FER1L6: variants seen among roughly 807,000 people sequenced by gnomAD.
FER1L6 encodes the protein fer-1 like family member 6, also known as fer-1-like protein 6.
In FER1L6, 177 loss-of-function variants were observed where a neutral mutation model predicts 219.2. The ratio of observed to expected loss-of-function variants is 0.81; its 90% CI spans 0.71 to 0.91. The LOEUF (loss-of-function observed/expected upper bound fraction) is 0.91, where lower values mean the gene tolerates loss of function less well. Among genes scored for constraint, FER1L6 ranks in the 40% least tolerant of loss-of-function variants. The probability of loss-of-function intolerance (pLI) is 0.00; values close to 1 mark genes in which losing one functional copy is unlikely to be tolerated. For synonymous variants in FER1L6, 768 were observed against 824.3 expected (o/e 0.93, Z 1.17); for missense variants, 2,153 against 2,259.9 (o/e 0.95, Z 0.96).
At position 124,103,171 on chromosome 8, in the gene FER1L6, T is replaced by A. The variant is rs369105982; in HGVS notation, c.5151T>A (p.Ser1717Arg). The part of the protein sequence containing the change: ...FLGTLEMNLN[S>R]FPRAAKSAKA... The stretch of plus-strand genomic sequence containing the variant: ...GCACCCTGGAAATGAACCTCAACAG[T>A]TTCCCTCGAGCAGCTAAGTCTGCCA... Residue 1717 changes from serine (S) to arginine (R), a missense_variant, in exon 39 of 41, where the codon AGT (serine) becomes AGA (arginine). Ser to Arg is a moderately radical substitution (Grantham distance 110). Coordinates refer to ENST00000522917, the MANE Select transcript of FER1L6 (RefSeq NM_001039112.2). 98 of 1,613,968 alleles carry A rather than the reference T, an allele frequency of 6.1e-5. No homozygotes were observed. The highest frequency in any genetic ancestry group is 8.3e-5 in the Non-Finnish European group (98 of 1,179,994).
At chr8:123,898,755 A>G (rs1484169573) in intron 1 of FER1L6, among the ~76,000 whole-genome samples, 4 of 137,032 alleles carry the variant, frequency 2.9e-5, no homozygotes, top group African/African-American at 7.9e-5. Flanking sequence ...TATACTATAT[A>G]TACACATATA....
chr8:124,055,042 T>G (rs1820219726), intron 22 of FER1L6, among the ~76,000 whole-genome samples: 1 of 152,182 alleles, frequency 6.6e-6, no homozygotes, highest in African/African-American at 2.4e-5. Flanking sequence ...GCATATATCT[T>G]AAAGGTAGAG....
At chr8:123,892,415 G>C (rs35367669) in intron 1 of FER1L6, among the ~76,000 whole-genome samples, 7 of 151,788 alleles carry the variant, frequency 4.6e-5, no homozygotes, top group African/African-American at 1.7e-4. Context: ...TCTCAGCCCC[G>C]CAAGTAGCTG....
intron 22 of FER1L6, among the ~76,000 whole-genome samples, chr8:124,051,015 A>G (rs1420667426): frequency 6.6e-6 from 1 of 152,220 alleles, no homozygotes; most frequent in African/African-American, 2.4e-5. Context: ...TAGTATAGAA[A>G]CCAGAAGGCA....
intron 31 of FER1L6, 101 bp from the exon 32 acceptor site, chr8:124,076,097 A>G: frequency 6.9e-7 from 1 of 1,451,292 alleles, no homozygotes; most frequent in Non-Finnish European, 9.4e-7. Context: ...ATCTAGAGAC[A>G]GAAGTCAGGC....
Position 123,857,929 on chromosome 8 carries a change from CCA to C in FER1L6, c.-8+5745_-8+5746del, listed in dbSNP as rs771915184. On this transcript the variant is annotated intron_variant, in intron 1 of 40. Transcript: ENST00000522917. ...CTCCAAAAGCTGAACACATTTCACT[CCA>C]GAGTGGCCCTGGCACTTAGCATCTC... Among the ~76,000 whole-genome samples, 13 of 152,328 alleles carry C rather than the reference CCA, an allele frequency of 8.5e-5. No homozygotes were observed. In the South Asian group the frequency reaches 2.5e-3, roughly 29 times the overall value.
At chr8:123,903,398 C>T (rs914175540) in intron 1 of FER1L6, among the ~76,000 whole-genome samples, 5 of 152,130 alleles carry the variant, frequency 3.3e-5, no homozygotes, top group African/African-American at 7.2e-5. Context: ...ATCGTAACAT[C>T]GTTCTCAAAC....
intron 1 of FER1L6, among the ~76,000 whole-genome samples, chr8:123,859,995 T>A (rs1816717885): frequency 6.8e-6 from 1 of 146,398 alleles, no homozygotes; most frequent in East Asian, 2.0e-4. Context: ...TTTTTTTAAT[T>A]ATACTTTAAG....
chr8:124,119,800 GA>G lies in FER1L6; in HGVS notation c.*11del. On this transcript the variant is annotated 3_prime_UTR_variant, in exon 41 of 41. Transcript: ENST00000522917. ...CGTTGTGGGCTCATAGAGGATCATG[GA>G]GGACCCAGATCCTCGCCATATACTA... is the stretch of plus-strand genomic sequence containing the variant. 6.2e-7 allele frequency: 1 copy of G among 1,613,018 alleles called. No homozygotes were observed. The highest frequency in any genetic ancestry group is 1.1e-5 in the South Asian group (1 of 90,894).
intron 1 of FER1L6, among the ~76,000 whole-genome samples, chr8:123,879,197 A>G (rs1817061956): frequency 6.6e-6 from 1 of 152,216 alleles, no homozygotes; most frequent in Non-Finnish European, 1.5e-5. Flanking sequence ...CTAGCTCTCC[A>G]GAGGCTGAAG....
chr8:123,855,036 C>T (rs1352134196), intron 1 of FER1L6, among the ~76,000 whole-genome samples: 1 of 152,008 alleles, frequency 6.6e-6, no homozygotes, highest in Non-Finnish European at 1.5e-5. Flanking sequence ...GACCCTATTA[C>T]TCTCAGCTTT....
chr8:123,917,118 T>C (rs961903245), intron 1 of FER1L6, among the ~76,000 whole-genome samples: 2 of 152,250 alleles, frequency 1.3e-5, no homozygotes, highest in African/African-American at 4.8e-5. Flanking sequence ...CTCAGTTTTC[T>C]TGTCTGTAAA....
intron 1 of FER1L6, among the ~76,000 whole-genome samples, chr8:123,919,804 G>A (rs1318822928): frequency 6.6e-6 from 1 of 152,176 alleles, no homozygotes; most frequent in African/African-American, 2.4e-5. Flanking sequence ...GGTACCCGGA[G>A]CTCCCCTCCA....
intron 1 of FER1L6, among the ~76,000 whole-genome samples, chr8:123,888,084 T>G (rs1817238074): frequency 6.6e-6 from 1 of 150,950 alleles, no homozygotes; most frequent in Non-Finnish European, 1.5e-5. Context: ...TGATACAGTC[T>G]TGGGAAATTC....
At chr8:124,002,331 AC>A (rs1262284588) in intron 12 of FER1L6, among the ~76,000 whole-genome samples, 4 of 152,132 alleles carry the variant, frequency 2.6e-5, no homozygotes, top group Non-Finnish European at 4.4e-5. Flanking sequence ...GAGTAGTGAC[AC>A]CTGGCCTGCC....
At chr8:123,896,360 T>C (rs1413105125) in intron 1 of FER1L6, among the ~76,000 whole-genome samples, 1 of 152,232 alleles carries the variant, frequency 6.6e-6, no homozygotes, top group African/African-American at 2.4e-5. Context: ...GCATGGCTTC[T>C]TCCTTGTTTC....
intron 1 of FER1L6, among the ~76,000 whole-genome samples, chr8:123,933,483 C>T (rs983484274): frequency 2.0e-5 from 3 of 152,150 alleles, no homozygotes; most frequent in African/African-American, 7.2e-5. Context: ...GTGCATAACT[C>T]AGTGTCTGGC....
At chr8:123,865,835 T>A (rs527399578) in intron 1 of FER1L6, among the ~76,000 whole-genome samples, 4 of 151,364 alleles carry the variant, frequency 2.6e-5, no homozygotes, top group African/African-American at 9.8e-5. Flanking sequence ...CGCCCTGCTT[T>A]GGCTCACGCA....
intron 25 of FER1L6, among the ~76,000 whole-genome samples, chr8:124,063,901 C>T (rs1293635101): frequency 6.6e-6 from 1 of 152,184 alleles, no homozygotes; most frequent in African/African-American, 2.4e-5. Flanking sequence ...GGACATACCC[C>T]TGCTCCCTGC....
Sources: gnomAD v4.1 joint callset for allele counts (sites outside exome capture counted in the v4.1 genomes callset) on GRCh38, gnomAD v4.1.1 for gene constraint, MANE v1.5 for transcripts, NCBI Gene and HGNC (gene_info 2026-07-23, HGNC 2026-07-21) for gene names.